SUFU: variants seen among roughly 807,000 people sequenced by gnomAD.
SUFU encodes suppressor of fused homolog.
A neutral mutation model predicts 58.9 loss-of-function variants in SUFU; 7 were observed. The ratio of observed to expected loss-of-function variants is 0.12; its 90% CI spans 0.07 to 0.22. The LOEUF (loss-of-function observed/expected upper bound fraction) is 0.22. Ranked by LOEUF, SUFU falls within the 10% of genes least tolerant of loss-of-function variation. The pLI is 1.00. For missense variants in SUFU, 451 were observed against 641.3 expected, an observed-to-expected ratio of 0.70 and a Z score of 3.20; for synonymous variants, 232 against 254.8, an observed-to-expected ratio of 0.91 and a Z score of 0.85.
intron 2 of SUFU, among the ~76,000 whole-genome samples, chr10:102,543,950 A>G (rs1590012860): frequency 6.6e-6 from 1 of 152,216 alleles, no homozygotes; most frequent in South Asian, 2.1e-4. Context: ...TAATTAGGCA[A>G]AAATAGATTA....
chr10:102,512,927 G>A (rs2062418646), intron 2 of SUFU, among the ~76,000 whole-genome samples: 1 of 151,992 alleles, frequency 6.6e-6, no homozygotes, highest in Non-Finnish European at 1.5e-5. Context: ...AAATTAGCCA[G>A]ACATGGTGGT....
intron 3 of SUFU, among the ~76,000 whole-genome samples, chr10:102,551,176 C>T (rs1264322795): frequency 6.6e-6 from 1 of 152,234 alleles, no homozygotes; most frequent in Admixed American, 6.5e-5. Flanking sequence ...TCCATAACTA[C>T]CACCTACCAT....
chr10:102,613,702 C>T (rs1213866327), intron 8 of SUFU, among the ~76,000 whole-genome samples: 2 of 152,240 alleles, frequency 1.3e-5, no homozygotes, highest in African/African-American at 2.4e-5. Context: ...AACCAGGATC[C>T]GGCCTTTTGA....
Position 102,581,209 on chromosome 10 carries a change from AAAG to A in SUFU, c.455-11361_455-11359del, listed in dbSNP as rs1427640500. Among the ~76,000 whole-genome samples the A allele has an allele frequency of 2.2e-4, 21 of 96,382 alleles. No homozygotes were observed. In the East Asian group the frequency reaches 4.7e-3, roughly 22 times the overall value. 63.2% of individuals were successfully genotyped at this position (96,382 alleles called of 152,430 possible). A position where few individuals can be genotyped will look rare whatever the true frequency, so the allele number is the denominator to read the frequency against. On this transcript the variant is annotated intron_variant, in intron 3 of 11. Transcript: ENST00000369902. ...AAAAAAAAAAAAAAAAAAAAAAAAA[AAAG>A]AAGAAGAAGAAATTAGGCATGGGTT...
chr10:102,566,055 A>G (rs1017259288), intron 3 of SUFU, among the ~76,000 whole-genome samples: 4 of 152,214 alleles, frequency 2.6e-5, no homozygotes, highest in African/African-American at 9.6e-5. Flanking sequence ...GAGTTAGGAC[A>G]GTAGAACTAG....
At chr10:102,529,557 A>T (rs1564666975) in intron 2 of SUFU, among the ~76,000 whole-genome samples, 1 of 152,162 alleles carries the variant, frequency 6.6e-6, no homozygotes, top group Non-Finnish European at 1.5e-5. Flanking sequence ...GTGGATCACG[A>T]GGTCAGGAGT....
At chr10:102,556,662 G>T (rs1339398802) in intron 3 of SUFU, among the ~76,000 whole-genome samples, 1 of 148,540 alleles carries the variant, frequency 6.7e-6, no homozygotes, top group African/African-American at 2.5e-5. Context: ...AGAATCGCTT[G>T]AACCCGGGAG....
chr10:102,510,949 T>G (rs2062393663), intron 2 of SUFU, among the ~76,000 whole-genome samples: 1 of 151,794 alleles, frequency 6.6e-6, no homozygotes, highest in South Asian at 2.1e-4. Context: ...GGAGAAACCC[T>G]GTCTCTACTA....
intron 2 of SUFU, among the ~76,000 whole-genome samples, chr10:102,538,898 G>A (rs1564671575): frequency 1.3e-5 from 2 of 152,246 alleles, no homozygotes; most frequent in Non-Finnish European, 2.9e-5. Context: ...GGCAGAGCTA[G>A]GATTTGGGCA....
At chr10:102,596,174 TA>T (rs2135878456) in intron 6 of SUFU, among the ~76,000 whole-genome samples, 1 of 152,238 alleles carries the variant, frequency 6.6e-6, no homozygotes, top group South Asian at 2.1e-4. Flanking sequence ...TCCCAGGAAA[TA>T]AGGACAGTAC....
intron 2 of SUFU, among the ~76,000 whole-genome samples, chr10:102,528,481 G>T (rs773283115): frequency 1.4e-4 from 21 of 152,022 alleles, no homozygotes; most frequent in Admixed American, 3.9e-4. Flanking sequence ...GAGGTGGGAG[G>T]ATTACTTGAG....
chr10:102,505,552 G>A (rs573708110), intron 1 of SUFU, among the ~76,000 whole-genome samples: 7 of 152,188 alleles, frequency 4.6e-5, no homozygotes, highest in Non-Finnish European at 7.3e-5. Context: ...TCTTCCTCCT[G>A]GTGAAAACCT....
intron 2 of SUFU, among the ~76,000 whole-genome samples, chr10:102,532,396 A>G (rs1198799594): frequency 6.6e-6 from 1 of 152,210 alleles, no homozygotes; most frequent in African/African-American, 2.4e-5. Flanking sequence ...GCAGCTTACA[A>G]CACACATTTG....
chr10:102,504,282 CTT>C lies in SUFU; in HGVS notation c.132_133del (p.Tyr45ProfsTer2). 6.2e-7 allele frequency: 1 copy of C among 1,614,118 alleles called. No homozygotes were observed. The highest frequency in any genetic ancestry group is 8.5e-7 in the Non-Finnish European group (1 of 1,180,028). On this transcript the variant is annotated frameshift_variant, in exon 1 of 12. Coordinates refer to ENST00000369902, the MANE Select transcript of SUFU (RefSeq NM_016169.4). LOFTEE classifies it high-confidence loss of function. ...CGCCATCTACGGAGAGTGCCGCCGC[CTT>C]TACCCTGACCAGCCGAACCCGCTCC... ...LHAIYGECRR[L>X]YPDQPNPLQV...
In SUFU at chr10:102,632,937, T is replaced by C. The variant is rs1364851640; in HGVS notation, c.*2782T>C. On this transcript the variant is annotated 3_prime_UTR_variant, in exon 12 of 12. Transcript: ENST00000369902. ...GTCTCAGGCCTGTGTGGGGAGCTGG[T>C]GCCTCTTCCTGCCCGTATCTTTCTC... 1 of 233,420 alleles carries C rather than the reference T, an allele frequency of 4.3e-6. No homozygotes were observed. The highest frequency in any genetic ancestry group is 8.5e-6 in the Non-Finnish European group (1 of 118,248). 14.5% of individuals were successfully genotyped at this position (233,420 alleles called of 1,614,324 possible). A position where few individuals can be genotyped will look rare whatever the true frequency, so the allele number is the denominator to read the frequency against.
chr10:102,572,665 G>A lies in SUFU; in HGVS notation c.455-19917G>A, dbSNP rs1392718949. 7 of 568,894 alleles carry A rather than the reference G, an allele frequency of 1.2e-5. No homozygotes were observed. The Middle Eastern group carries it at 1.6e-3, about 129-fold the overall frequency. The allele number at this position is 568,894 out of a possible 1,614,324, so 35.2% of individuals were successfully genotyped here. ...GGCCTCCCAAACTGCTGAGATTACA[G>A]GTGTGAGTGAGCCACCATGCCCAGC... On this transcript the variant is annotated intron_variant, in intron 3 of 11. Transcript: ENST00000369902.
At chr10:102,587,649 G>A (rs1172443659) in intron 3 of SUFU, among the ~76,000 whole-genome samples, 1 of 151,918 alleles carries the variant, frequency 6.6e-6, no homozygotes, top group East Asian at 1.9e-4. Flanking sequence ...CCACCACTAC[G>A]CCCGGCAAAT....
intron 10 of SUFU, chr10:102,618,808 C>G (rs1054193716): frequency 4.3e-5 from 24 of 559,220 alleles, no homozygotes; most frequent in Non-Finnish European, 7.3e-5. Flanking sequence ...GCTGCTGCGT[C>G]TGCCCCTGTG....
intron 3 of SUFU, among the ~76,000 whole-genome samples, chr10:102,554,978 A>C (rs963555106): frequency 6.6e-6 from 1 of 152,160 alleles, no homozygotes; most frequent in Non-Finnish European, 1.5e-5. Flanking sequence ...TAAAAACTTT[A>C]TATGGATTGG....
Sources: gnomAD v4.1 joint callset for allele counts (sites outside exome capture counted in the v4.1 genomes callset) on GRCh38, gnomAD v4.1.1 for gene constraint, MANE v1.5 for transcripts, NCBI Gene and HGNC (gene_info 2026-07-23, HGNC 2026-07-21) for gene names.